Variants in KCNH5 observed in about 807,000 individuals in gnomAD.
KCNH5 encodes voltage-gated delayed rectifier potassium channel KCNH5.
A neutral mutation model predicts 96.1 loss-of-function variants in KCNH5; 46 were observed. That is an observed-to-expected ratio of 0.48 (90% CI 0.38 to 0.61). The LOEUF is 0.61. Among genes scored for constraint, KCNH5 ranks in the 20% least tolerant of loss-of-function variants. The pLI is 0.00. For missense variants in KCNH5, 907 were observed against 1,225.8 expected, an observed-to-expected ratio of 0.74 and a Z score of 3.88; for synonymous variants, 439 against 449.8, an observed-to-expected ratio of 0.98 and a Z score of 0.30.
chr14:62,818,326 A>G (rs999081216), intron 8 of KCNH5, among the ~76,000 whole-genome samples: 1 of 152,200 alleles, frequency 6.6e-6, no homozygotes, highest in African/African-American at 2.4e-5. Context: ...AAATTCTCAC[A>G]TTGCACACTT....
chr14:62,986,299 A>G (rs1378608531), intron 5 of KCNH5, among the ~76,000 whole-genome samples: 1 of 152,180 alleles, frequency 6.6e-6, no homozygotes, highest in East Asian at 1.9e-4. Flanking sequence ...AAAAGAAACC[A>G]ATTAGGACCC....
At chr14:62,857,917 A>G (rs1887960834) in intron 7 of KCNH5, among the ~76,000 whole-genome samples, 1 of 152,160 alleles carries the variant, frequency 6.6e-6, no homozygotes. Context: ...TGAGATCATA[A>G]TCTTCAAATA....
At chr14:62,874,123 G>T (rs1000804456) in intron 7 of KCNH5, among the ~76,000 whole-genome samples, 1 of 152,120 alleles carries the variant, frequency 6.6e-6, no homozygotes, top group Admixed American at 6.5e-5. Context: ...AAAGAAGTGA[G>T]GTTTTTGCGG....
intron 5 of KCNH5, among the ~76,000 whole-genome samples, chr14:62,984,727 C>G (rs983279363): frequency 9.9e-5 from 15 of 151,202 alleles, no homozygotes; most frequent in Non-Finnish European, 1.9e-4. Flanking sequence ...TAAGGGATGA[C>G]TGGTAAAGAA....
intron 8 of KCNH5, among the ~76,000 whole-genome samples, chr14:62,847,294 T>C (rs1887719923): frequency 1.3e-5 from 2 of 151,846 alleles, no homozygotes; most frequent in Non-Finnish European, 2.9e-5. Flanking sequence ...TTGTTTAGTA[T>C]AGCATATGGT....
At chr14:63,018,245 T>TG (rs972065162) in intron 1 of KCNH5, among the ~76,000 whole-genome samples, 9 of 151,748 alleles carry the variant, frequency 5.9e-5, no homozygotes, top group African/African-American at 1.9e-4. Flanking sequence ...GGGAAGTTCA[T>TG]GGTGTGAAAG....
chr14:62,937,437 G>GCTA, intron 7 of KCNH5, among the ~76,000 whole-genome samples: 1 of 152,244 alleles, frequency 6.6e-6, no homozygotes, highest in African/African-American at 2.4e-5. Context: ...CAAAGTAAGG[G>GCTA]CTACTATCCT....
intron 8 of KCNH5, among the ~76,000 whole-genome samples, chr14:62,824,426 T>C (rs1305411023): frequency 6.6e-6 from 1 of 152,114 alleles, no homozygotes. Context: ...GGAGCATTAG[T>C]AAACAAAGTT....
At chr14:62,911,638 G>A (rs1475711684) in intron 7 of KCNH5, among the ~76,000 whole-genome samples, 1 of 151,292 alleles carries the variant, frequency 6.6e-6, no homozygotes, top group Non-Finnish European at 1.5e-5. Flanking sequence ...ACAAATTAGA[G>A]AAGTGGGTCA....
At chr14:62,965,792 T>C (rs1228762336) in intron 6 of KCNH5, among the ~76,000 whole-genome samples, 10 of 152,288 alleles carry the variant, frequency 6.6e-5, no homozygotes, top group East Asian at 3.9e-4. Context: ...ATGGATACTG[T>C]GTATTTCCTA....
At chr14:62,981,799 C>A (rs138123637) in intron 5 of KCNH5, among the ~76,000 whole-genome samples, 2 of 152,296 alleles carry the variant, frequency 1.3e-5, no homozygotes, top group East Asian at 3.9e-4. Context: ...TTTTCCCTTC[C>A]TCCCTTAGAT....
At chr14:62,850,426 G>A (rs1189046602) in intron 7 of KCNH5, among the ~76,000 whole-genome samples, 1 of 152,276 alleles carries the variant, frequency 6.6e-6, no homozygotes, top group South Asian at 2.1e-4. Context: ...GAGGTTTGGA[G>A]TTTTTAGCCA....
At chr14:62,981,298 G>C in intron 5 of KCNH5, 34 bp from the exon 6 acceptor site, 1 of 1,594,290 alleles carries the variant, frequency 6.3e-7, no homozygotes, top group Admixed American at 1.7e-5. Context: ...TACATGACTA[G>C]GTTATCTCTG....
intron 7 of KCNH5, among the ~76,000 whole-genome samples, chr14:62,895,698 C>G (rs975852320): frequency 6.6e-6 from 1 of 152,112 alleles, no homozygotes. Flanking sequence ...TTATAGCCTT[C>G]TCAGTTCAGA....
chr14:62,942,041 C>G (rs534827233), intron 7 of KCNH5, among the ~76,000 whole-genome samples: 15 of 152,294 alleles, frequency 9.8e-5, no homozygotes, highest in African/African-American at 3.1e-4. Context: ...TCTCTGACAA[C>G]TTTTCCTCTT....
chr14:62,813,498 TATTG>T (rs1290776973), intron 8 of KCNH5, among the ~76,000 whole-genome samples: 1 of 152,210 alleles, frequency 6.6e-6, no homozygotes, highest in African/African-American at 2.4e-5. Context: ...TAAGTTATTG[TATTG>T]ATTATCTATA....
At chr14:62,937,452 T>C (rs2140120734) in intron 7 of KCNH5, among the ~76,000 whole-genome samples, 1 of 152,278 alleles carries the variant, frequency 6.6e-6, no homozygotes, top group African/African-American at 2.4e-5. Context: ...TATCCTGTCC[T>C]ATAAGGCCCT....
In KCNH5 at chr14:63,045,323, G is replaced by T. The variant is rs1891904629; in HGVS notation, c.-137C>A. ...GAGGGGGCGCGGCGGCGGCGACGGGGTCCCCTGACTGTGTCTCCAGCCCGA... is the reference window on the plus strand; with the variant it reads ...GAGGGGGCGCGGCGGCGGCGACGGGTTCCCCTGACTGTGTCTCCAGCCCGA... On this transcript the variant is annotated 5_prime_UTR_variant, in exon 1 of 11. Coordinates refer to ENST00000322893, the MANE Select transcript of KCNH5 (RefSeq NM_139318.5). The T allele has an allele frequency of 4.3e-6, 3 of 699,352 alleles. No homozygotes were observed. The highest frequency in any genetic ancestry group is 3.9e-4 in the Middle Eastern group (1 of 2,588). 43.3% of individuals were successfully genotyped at this position (699,352 alleles called of 1,614,324 possible).
intron 2 of KCNH5, among the ~76,000 whole-genome samples, chr14:63,009,095 A>G (rs913492584): frequency 8.5e-5 from 13 of 152,254 alleles, no homozygotes; most frequent in African/African-American, 2.6e-4. Flanking sequence ...GTGGTTCAAT[A>G]AACTGAAACA....
Sources: gnomAD v4.1 joint callset for allele counts (sites outside exome capture counted in the v4.1 genomes callset) on GRCh38, gnomAD v4.1.1 for gene constraint, MANE v1.5 for transcripts, NCBI Gene and HGNC (gene_info 2026-07-23, HGNC 2026-07-21) for gene names.